Variants in SVIL observed in about 807,000 individuals in gnomAD.
SVIL encodes the protein supervillin.
A neutral mutation model predicts 240.4 loss-of-function variants in SVIL; 101 were observed. That is an observed-to-expected ratio of 0.42 (90% CI 0.36 to 0.50). SVIL has a LOEUF of 0.50. SVIL is among the 20% of genes least tolerant of loss of function. The probability of loss-of-function intolerance (pLI) is 0.01; values close to 1 mark genes in which losing one functional copy is unlikely to be tolerated. For missense variants in SVIL, 2,512 were observed against 2,818.7 expected, an observed-to-expected ratio of 0.89 and a Z score of 2.46; for synonymous variants, 999 against 1,100.0, an observed-to-expected ratio of 0.91 and a Z score of 1.82.
chr10:29,561,387 G>T (rs1262186657), intron 3 of SVIL, among the ~76,000 whole-genome samples: 1 of 152,096 alleles, frequency 6.6e-6, no homozygotes, highest in Non-Finnish European at 1.5e-5. Context: ...ATTGTCTGCG[G>T]TATTATGCAT....
Position 29,458,479 on chromosome 10 carries a change from G to A in SVIL, c.6513C>T (p.Val2171=), listed in dbSNP as rs1200064259. Residue 2171 remains valine (V), a synonymous_variant, in exon 37 of 38, where the codon GTC becomes GTT. Transcript: ENST00000355867. ...GATAGATCTCAAGCTTCAGAGGATC[G>A]ACCCCCTCCGGGAGTGGCCTGGCCA... ...DLLARPLPEG[V]DPLKLEIYLT... 1.3e-5 allele frequency: 20 copies of A among 1,581,768 alleles called. No individual in the cohort carries two copies. The highest frequency in any genetic ancestry group is 1.6e-5 in the Non-Finnish European group (19 of 1,163,814).
chr10:29,536,167 T>G, intron 6 of SVIL, 98 bp from the exon 7 acceptor site: 1 of 1,136,398 alleles, frequency 8.8e-7, no homozygotes, highest in Non-Finnish European at 1.3e-6. Context: ...TGATTTTTAT[T>G]AAGAATAATC....
intron 20 of SVIL, among the ~76,000 whole-genome samples, chr10:29,493,624 T>G (rs1416542249): frequency 1.3e-5 from 2 of 152,064 alleles, no homozygotes; most frequent in Non-Finnish European, 1.5e-5. Context: ...CTGACCATAC[T>G]GCACACACGC....
Position 29,578,866 on chromosome 10 carries a change from G to C in SVIL, c.-200-9554C>G, listed in dbSNP as rs1218045962. Reference sequence around the variant, plus strand: ...CCACATTTCTTGAATAGTTTGCAGAGAGGAAAAGTATTACTTCTCTTTCCT... The same window carrying C: ...CCACATTTCTTGAATAGTTTGCAGACAGGAAAAGTATTACTTCTCTTTCCT... On this transcript the variant is annotated intron_variant, in intron 1 of 37. Transcript: ENST00000355867. Among the ~76,000 whole-genome samples the C allele has an allele frequency of 2.0e-5, 3 of 152,166 alleles. No individual in the cohort carries two copies. The East Asian group carries it at 5.8e-4, about 29-fold the overall frequency.
intron 1 of SVIL, among the ~76,000 whole-genome samples, chr10:29,584,303 G>A (rs1213410238): frequency 6.6e-6 from 1 of 152,224 alleles, no homozygotes; most frequent in Non-Finnish European, 1.5e-5. Context: ...GAATGGCCCT[G>A]TATGGCAGCG....
intron 1 of SVIL, among the ~76,000 whole-genome samples, chr10:29,722,210 G>A (rs1486740075): frequency 1.4e-5 from 2 of 145,206 alleles, no homozygotes; most frequent in Non-Finnish European, 3.0e-5. Flanking sequence ...GTGACAGAGT[G>A]AGACTCTGTC....
chr10:29,730,563 C>G (rs1276641709), intron 1 of SVIL, among the ~76,000 whole-genome samples: 1 of 152,142 alleles, frequency 6.6e-6, no homozygotes, highest in Non-Finnish European at 1.5e-5. Context: ...CAAGTGAAAA[C>G]TGAAAGACTG....
chr10:29,542,463 T>TA (rs1952247883), intron 6 of SVIL, among the ~76,000 whole-genome samples: 1 of 152,126 alleles, frequency 6.6e-6, no homozygotes, highest in African/African-American at 2.4e-5. Flanking sequence ...ACGAAATTGC[T>TA]AAAATCCTCT....
chr10:29,515,461 C>A (rs1000473569), intron 16 of SVIL, among the ~76,000 whole-genome samples: 3 of 152,156 alleles, frequency 2.0e-5, no homozygotes, highest in African/African-American at 7.2e-5. Flanking sequence ...GCTTTCAAAG[C>A]ATCAATAAAT....
At chr10:29,647,630 T>C (rs943387810) in intron 3 of SVIL, among the ~76,000 whole-genome samples, 2 of 152,034 alleles carry the variant, frequency 1.3e-5, no homozygotes, top group African/African-American at 4.8e-5. Context: ...TATAGGTGTG[T>C]GTGTGTTTGT....
rs1340124317 is a variant in SVIL at position 29,613,888 on chromosome 10, T to C, written c.-201+20532A>G. ...AAAATCCAGATAATCACCTTACATA[T>C]GAATTCCAAAAGCCCAACGAACTCA... On this transcript the variant is annotated intron_variant, in intron 1 of 37. Transcript: ENST00000355867. Among the ~76,000 whole-genome samples, 3 of 152,206 alleles carry C rather than the reference T, an allele frequency of 2.0e-5. No individual in the cohort carries two copies. The East Asian group carries it at 5.8e-4, about 29-fold the overall frequency.
chr10:29,518,317 G>C (rs541724844), intron 16 of SVIL, among the ~76,000 whole-genome samples: 178 of 152,152 alleles, frequency 1.2e-3, no homozygotes, highest in African/African-American at 3.8e-3. Context: ...GAACCCAGGA[G>C]GGGGAGGCTT....
At chr10:29,613,520 A>G (rs1050610349) in intron 1 of SVIL, among the ~76,000 whole-genome samples, 3 of 151,874 alleles carry the variant, frequency 2.0e-5, no homozygotes, top group African/African-American at 7.3e-5. Context: ...TTTTTTTTGT[A>G]AAGATGGAGG....
At chr10:29,543,591 C>G (rs984996789) in intron 6 of SVIL, among the ~76,000 whole-genome samples, 10 of 152,052 alleles carry the variant, frequency 6.6e-5, no homozygotes, top group African/African-American at 2.4e-4. Flanking sequence ...TTGTTAGTTT[C>G]TAACCATTGT....
intron 2 of SVIL, among the ~76,000 whole-genome samples, chr10:29,660,006 G>C (rs1026347155): frequency 6.6e-6 from 1 of 152,000 alleles, no homozygotes; most frequent in African/African-American, 2.4e-5. Flanking sequence ...ACAAAAGAAA[G>C]AAAAAGAAAA....
intron 30 of SVIL, among the ~76,000 whole-genome samples, chr10:29,473,297 C>T (rs1273784166): frequency 1.3e-5 from 2 of 152,218 alleles, no homozygotes; most frequent in African/African-American, 4.8e-5. Context: ...GATGGGCGTT[C>T]CCAATCCTTA....
intron 7 of SVIL, among the ~76,000 whole-genome samples, chr10:29,535,760 C>A (rs1395730852): frequency 2.0e-5 from 3 of 152,058 alleles, no homozygotes; most frequent in Non-Finnish European, 4.4e-5. Flanking sequence ...GTTTGTCAAT[C>A]AAGAAAGATT....
chr10:29,488,751 A>C lies in SVIL; in HGVS notation c.4198T>G (p.Ser1400Ala). 1 of 1,612,056 alleles carries C rather than the reference A, an allele frequency of 6.2e-7. No homozygotes were observed. Among genetic ancestry groups the C allele is most frequent in the South Asian group, 1.1e-5 (1 of 90,418 alleles). ...GTGACTTCTGAGAAGTTGGAGTTGG[A>C]AGACACTGGGCACGTTGAATAAGGA... ...SKRMKVEKMS[S>A]NSNFSEVTLA... Residue 1400 changes from serine to alanine, a missense_variant, in exon 23 of 38, where the codon TCC becomes GCC. By Grantham distance (99) the Ser-to-Ala change is moderately conservative. Around this residue, in one of 3 missense-constraint regions of SVIL, gnomAD observed 272 missense variants for 406.8 expected, o/e 0.67. Transcript: ENST00000355867.
At chr10:29,478,145 GC>G (rs142472494) in intron 29 of SVIL, among the ~76,000 whole-genome samples, 14,442 of 152,182 alleles carry the variant, frequency 0.095, 859 homozygotes, top group Non-Finnish European at 0.13. Context: ...AGATCTGCCT[GC>G]CCCGAAACAC....
Sources: allele counts gnomAD v4.1 joint callset (sites outside exome capture counted in the v4.1 genomes callset), GRCh38; gene constraint gnomAD v4.1.1; regional missense constraint gnomAD v4.1.1; transcripts MANE v1.5; gene names NCBI Gene and HGNC (gene_info 2026-07-23, HGNC 2026-07-21).